Variants in CENPE observed in about 807,000 individuals in gnomAD.
The protein encoded by CENPE is centromere protein E.
Under a neutral mutation model 336.1 loss-of-function variants are expected in CENPE, and 145 were observed. The ratio of observed to expected loss-of-function variants is 0.43; its 90% CI spans 0.38 to 0.50. The LOEUF is 0.50. Ranked by LOEUF, CENPE falls within the 20% of genes least tolerant of loss-of-function variation. The pLI is 0.00. For synonymous variants in CENPE, 1,013 were observed against 984.8 expected (o/e 1.03, Z -0.54); for missense variants, 2,719 against 3,023.3 (o/e 0.90, Z 2.36).
intron 8 of CENPE, among the ~76,000 whole-genome samples, chr4:103,186,290 C>T (rs1381140423): frequency 6.6e-6 from 1 of 152,178 alleles, no homozygotes; most frequent in Non-Finnish European, 1.5e-5. Flanking sequence ...ATGTTCTATT[C>T]TGTCCTTATT....
At position 103,132,960 on chromosome 4, in the gene CENPE, TTATATA is replaced by T. The variant is rs56951110; in HGVS notation, c.6721-70_6721-65del. 8.6e-4 allele frequency: 128 copies of T among 148,210 alleles called. 6 individuals are homozygous for T. In the Middle Eastern group the frequency reaches 0.019, roughly 22 times the overall value. 9.2% of individuals were successfully genotyped at this position (148,210 alleles called of 1,614,324 possible). ...GAAAGTTTTGATCCAAATATTTTAT[TTATATA>T]TATATATATATATATATAAAATAAA... On this transcript the variant is annotated intron_variant, in intron 41 of 48. Transcript: ENST00000265148.
intron 11 of CENPE, among the ~76,000 whole-genome samples, 155 bp downstream of exon 11, chr4:103,182,607 G>T (rs1204805494): frequency 1.3e-5 from 2 of 152,042 alleles, no homozygotes; most frequent in African/African-American, 4.8e-5. Context: ...ATCGAAGTCT[G>T]GCAAAATTAA....
intron 42 of CENPE, among the ~76,000 whole-genome samples, chr4:103,124,827 G>A (rs951230631): frequency 1.3e-5 from 2 of 151,962 alleles, no homozygotes; most frequent in Admixed American, 6.6e-5. Flanking sequence ...TCTTAAATTC[G>A]TCGTGTTCCT....
In CENPE at chr4:103,180,391, T is replaced by G; in HGVS notation, c.1162A>C (p.Lys388Gln). Residue 388 changes from lysine to glutamine, a missense_variant, in exon 13 of 49, where the codon AAA (lysine) becomes CAA (glutamine). Lys to Gln is a moderately conservative substitution (Grantham distance 53). Around this residue, in one of 5 missense-constraint regions of CENPE, gnomAD observed 117 missense variants for 215.8 expected, o/e 0.54. Coordinates refer to ENST00000265148, the MANE Select transcript of CENPE (RefSeq NM_001813.3). ...TTTTCAATTTTCTCATTCTGTACTT[T>G]CTGAAGCAAATCTTTTTCTTCCAAA... Reference protein sequence around the residue: ...QLLEEKDLLQKVQNEKIENLT... With the variant: ...QLLEEKDLLQQVQNEKIENLT... The G allele has an allele frequency of 6.2e-7, 1 of 1,613,358 alleles. No individual in the cohort carries two copies. The highest frequency in any genetic ancestry group is 2.2e-5 in the East Asian group (1 of 44,802).
chr4:103,142,860 T>C (rs745626729), intron 34 of CENPE, among the ~76,000 whole-genome samples: 1 of 151,844 alleles, frequency 6.6e-6, no homozygotes, highest in African/African-American at 2.4e-5. Context: ...ATACAAAAAT[T>C]AGCTGGGTGT....
chr4:103,112,004 G>A (rs748678261), intron 46 of CENPE, among the ~76,000 whole-genome samples: 1 of 151,512 alleles, frequency 6.6e-6, no homozygotes, highest in Admixed American at 6.6e-5. Context: ...ATAAATAAGT[G>A]TATATGTATA....
rs376932630 is a variant in CENPE at position 103,140,204 on chromosome 4, C to G, written c.5913+52G>C. The G allele has an allele frequency of 2.0e-6, 3 of 1,519,912 alleles. No individual in the cohort carries two copies. In the African/African-American group the frequency reaches 4.2e-5, roughly 21 times the overall value. The allele number at this position is 1,519,912 out of a possible 1,614,324, so 94.2% of individuals were successfully genotyped here. A position where few individuals can be genotyped will look rare whatever the true frequency, so the allele number is the denominator to read the frequency against. Reference sequence around the variant, plus strand: ...CTGTATCTATATCTTTTTAATTCCACAAATAATTTTGGGCACAGTTACTTC... The same window carrying G: ...CTGTATCTATATCTTTTTAATTCCAGAAATAATTTTGGGCACAGTTACTTC... On this transcript the variant is annotated intron_variant, in intron 37 of 48. Transcript: ENST00000265148.
chr4:103,151,119 G>A, intron 26 of CENPE, 100 bp downstream of exon 26: 1 of 1,009,234 alleles, frequency 9.9e-7, no homozygotes, highest in Non-Finnish European at 1.5e-6. Flanking sequence ...TCATTTGGGA[G>A]GTATGTGCTA....
rs909185061 is a variant in CENPE at position 103,110,902 on chromosome 4, T to C, written c.7650A>G (p.Ile2550Met). The change falls in exon 47 of 49, where the codon ATA (isoleucine) becomes ATG (methionine). Residue 2550 changes from isoleucine (I) to methionine (M), a missense_variant. By Grantham distance (10) the Ile-to-Met change is conservative (BLOSUM62 1). Around this residue, in one of 5 missense-constraint regions of CENPE, gnomAD observed 2,437 missense variants for 2,513.3 expected, o/e 0.97. Coordinates refer to ENST00000265148, the MANE Select transcript of CENPE (RefSeq NM_001813.3). Reference protein sequence around the residue: ...TKALILKSEHIRLEKEISKLK... With the variant: ...TKALILKSEHMRLEKEISKLK... ...ACTTAGAAATTTCTTTTTCTAGCCT[T>C]ATATGTTCACTTTTCAAAATAAGAG... 1.2e-5 allele frequency: 19 copies of C among 1,611,796 alleles called. No individual in the cohort carries two copies. Among genetic ancestry groups the C allele is most frequent in the Non-Finnish European group, 1.3e-5 (15 of 1,178,934 alleles).
At chr4:103,112,771 A>T (rs1422699336) in intron 46 of CENPE, among the ~76,000 whole-genome samples, 25 of 90,682 alleles carry the variant, frequency 2.8e-4, no homozygotes, top group African/African-American at 1.2e-3. Flanking sequence ...TATACTTATA[A>T]GTATATAAGT....
At chr4:103,188,315 T>C (rs1756986538) in intron 8 of CENPE, among the ~76,000 whole-genome samples, 1 of 152,124 alleles carries the variant, frequency 6.6e-6, no homozygotes, top group Admixed American at 6.5e-5. Context: ...TCTATAGAAC[T>C]CTCCACCCCA....
intron 46 of CENPE, among the ~76,000 whole-genome samples, chr4:103,111,556 T>C (rs1380311557): frequency 3.9e-5 from 6 of 152,104 alleles, no homozygotes; most frequent in Non-Finnish European, 1.5e-5. Flanking sequence ...GCACAAAATG[T>C]GAGATAGTTA....
chr4:103,161,484 T>C (rs1283374868), intron 18 of CENPE, 27 bp from the exon 19 acceptor site: 4 of 1,531,628 alleles, frequency 2.6e-6, no homozygotes, highest in Admixed American at 4.5e-5. Context: ...AGGGGTTCAC[T>C]GAAATCTAAT....
Position 103,116,637 on chromosome 4 carries a change from T to A in CENPE, c.7382A>T (p.Lys2461Ile), listed in dbSNP as rs1162471401. 1 of 1,596,870 alleles carries A rather than the reference T, an allele frequency of 6.3e-7. No homozygotes were observed. Among genetic ancestry groups the A allele is most frequent in the East Asian group, 2.3e-5 (1 of 44,348 alleles). Residue 2461 changes from lysine (K) to isoleucine (I), a missense_variant, in exon 45 of 49, where the codon AAA (lysine) becomes ATA (isoleucine). This residue lies in a region of CENPE where 2,437 missense variants were observed against 2,513.3 expected (regional missense o/e 0.97). Transcript: ENST00000265148. ...KPYKEEIEDL[K>I]MKLVKIDLEK... is the part of the protein sequence containing the mutation. ...TAGGTCTATTTTCACAAGCTTCATT[T>A]TGAGATCTTCAATTTCTTCTTTATA...
At chr4:103,185,943 A>T in intron 8 of CENPE, 82 bp from the exon 9 acceptor site, 2 of 889,524 alleles carry the variant, frequency 2.2e-6, no homozygotes. Flanking sequence ...CATTTTTAAT[A>T]CATGGTATAT....
rs1337976036 is a variant in CENPE at position 103,113,402 on chromosome 4, T to G, written c.7540+1053A>C. Among the ~76,000 whole-genome samples the G allele has an allele frequency of 2.1e-5, 3 of 143,026 alleles. No individual in the cohort carries two copies. In the East Asian group the frequency reaches 6.1e-4, roughly 29 times the overall value. 93.8% of individuals were successfully genotyped at this position (143,026 alleles called of 152,430 possible). Reference sequence around the variant, plus strand: ...TATAAGTATAATACTTCTAATTATATAAGTATTTACTATATATACTTATAT... The same window carrying G: ...TATAAGTATAATACTTCTAATTATAGAAGTATTTACTATATATACTTATAT... On this transcript the variant is annotated intron_variant, in intron 46 of 48. Transcript: ENST00000265148.
chr4:103,122,983 T>C lies in CENPE; in HGVS notation c.7031A>G (p.Lys2344Arg). 1 of 1,613,936 alleles carries C rather than the reference T, an allele frequency of 6.2e-7. No homozygotes were observed. The highest frequency in any genetic ancestry group is 8.5e-7 in the Non-Finnish European group (1 of 1,179,856). ...SLKEKNEKLF[K>R]NYQTLKTSLA... ...GGAAGTCTTCAATGTTTGGTAGTTT[T>C]TAAATAGTTTTTCATTTTTCTCTTT... Residue 2344 changes from lysine (K) to arginine (R), a missense_variant, in exon 43 of 49, where the codon AAA (lysine) becomes AGA (arginine). Physicochemically the swap from Lys to Arg is conservative, Grantham distance 26 (BLOSUM62 2). Coordinates refer to ENST00000265148, the MANE Select transcript of CENPE (RefSeq NM_001813.3).
chr4:103,161,516 T>C (rs958095573), intron 18 of CENPE, 59 bp from the exon 19 acceptor site: 4 of 1,483,542 alleles, frequency 2.7e-6, no homozygotes, highest in Non-Finnish European at 3.6e-6. Flanking sequence ...TGGAAAATTC[T>C]TAAGAGAACA....
At chr4:103,178,706 A>G (rs1756084607) in intron 13 of CENPE, among the ~76,000 whole-genome samples, 1 of 152,192 alleles carries the variant, frequency 6.6e-6, no homozygotes, top group Non-Finnish European at 1.5e-5. Context: ...GCAGAATATG[A>G]CACTGCTGAC....
Sources: allele counts gnomAD v4.1 joint callset (sites outside exome capture counted in the v4.1 genomes callset), GRCh38; gene constraint gnomAD v4.1.1; regional missense constraint gnomAD v4.1.1; transcripts MANE v1.5; gene names NCBI Gene and HGNC (gene_info 2026-07-23, HGNC 2026-07-21).